The following HECW2 variants were observed in gnomAD, a reference collection of about 807,000 sequenced individuals.
HECW2 encodes E3 ubiquitin-protein ligase HECW2.
A neutral mutation model predicts 175.2 loss-of-function variants in HECW2; 61 were observed. That is an observed-to-expected ratio of 0.35 (90% CI 0.28 to 0.43). HECW2 has a LOEUF of 0.43. HECW2 is among the 20% of genes least tolerant of loss of function. The pLI, the probability that HECW2 is intolerant of heterozygous loss-of-function variation, is 1.00. For missense variants in HECW2, 1,524 were observed against 2,000.5 expected (o/e 0.76, Z 4.54); for synonymous variants, 671 against 731.0 (o/e 0.92, Z 1.32).
intron 1 of HECW2, among the ~76,000 whole-genome samples, chr2:196,544,558 G>C (rs1366806336): frequency 6.6e-6 from 1 of 152,118 alleles, no homozygotes; most frequent in Non-Finnish European, 1.5e-5. Flanking sequence ...CAATTCCACA[G>C]GTACCACCAT....
At chr2:196,271,716 G>A (rs1689747212) in intron 16 of HECW2, among the ~76,000 whole-genome samples, 2 of 152,112 alleles carry the variant, frequency 1.3e-5, no homozygotes, top group African/African-American at 4.8e-5. Context: ...ACCAGCCTGG[G>A]CAACATAGTG....
At chr2:196,461,027 GC>G (rs1696724573) in intron 1 of HECW2, among the ~76,000 whole-genome samples, 1 of 152,014 alleles carries the variant, frequency 6.6e-6, no homozygotes, top group South Asian at 2.1e-4. Flanking sequence ...GATGATGTTG[GC>G]CCAACTCACT....
intron 16 of HECW2, 151 bp from the exon 17 acceptor site, chr2:196,271,440 T>A (rs1263102838): frequency 3.5e-6 from 2 of 569,482 alleles, no homozygotes; most frequent in Non-Finnish European, 3.1e-6. Context: ...CCTGCCACCA[T>A]GCTCAGCTAA....
At chr2:196,211,539 G>C (rs1687285534) in intron 28 of HECW2, among the ~76,000 whole-genome samples, 1 of 152,098 alleles carries the variant, frequency 6.6e-6, no homozygotes, top group Non-Finnish European at 1.5e-5. Flanking sequence ...AAGAGCCATG[G>C]ATTCAACTTG....
intron 1 of HECW2, among the ~76,000 whole-genome samples, chr2:196,554,325 C>CAA (rs112989492): frequency 2.5e-5 from 3 of 118,234 alleles, no homozygotes; most frequent in Non-Finnish European, 5.5e-5. Flanking sequence ...GACTCCGTCT[C>CAA]AAAAAAAAAA....
intron 19 of HECW2, among the ~76,000 whole-genome samples, chr2:196,244,699 G>A (rs891282198): frequency 6.6e-6 from 1 of 152,230 alleles, no homozygotes; most frequent in Non-Finnish European, 1.5e-5. Flanking sequence ...CCTTGCAAAA[G>A]AAGGAGAATT....
At chr2:196,293,102 G>A (rs751242136) in intron 13 of HECW2, among the ~76,000 whole-genome samples, 8 of 152,058 alleles carry the variant, frequency 5.3e-5, no homozygotes, top group Non-Finnish European at 7.4e-5. Flanking sequence ...CATCACCCAG[G>A]TATTAAGCCC....
intron 2 of HECW2, chr2:196,361,873 A>C (rs1005431296): frequency 3.0e-6 from 3 of 985,324 alleles, no homozygotes; most frequent in African/African-American, 3.5e-5. Flanking sequence ...AGCAGCAAGA[A>C]GAAACATGGC....
At chr2:196,212,268 G>A (rs529930096) in intron 28 of HECW2, among the ~76,000 whole-genome samples, 2 of 152,108 alleles carry the variant, frequency 1.3e-5, no homozygotes, top group Non-Finnish European at 2.9e-5. Flanking sequence ...TGTCACTGGG[G>A]GTTTGTTTTA....
rs184367267 is a variant in HECW2 at position 196,365,119 on chromosome 2, T to C, written c.293-21355A>G. ...TGCCCATGGGTGGAAATGTGATTTA[T>C]GGATGCTGAATGGATTAATTATACA... On this transcript the variant is annotated intron_variant, in intron 2 of 28. Coordinates refer to ENST00000644978, the MANE Select transcript of HECW2 (RefSeq NM_001348768.2). Among the ~76,000 whole-genome samples, 46 of 152,364 alleles carry C rather than the reference T, an allele frequency of 3.0e-4. No homozygotes were observed. The East Asian group carries it at 7.7e-3, about 26-fold the overall frequency.
At chr2:196,407,440 G>T (rs1403653272) in intron 2 of HECW2, among the ~76,000 whole-genome samples, 1 of 152,126 alleles carries the variant, frequency 6.6e-6, no homozygotes, top group African/African-American at 2.4e-5. Flanking sequence ...GAACTTACAC[G>T]ATCTGCCCAC....
intron 17 of HECW2, 38 bp downstream of exon 17, chr2:196,271,155 C>T (rs779344698): frequency 8.5e-7 from 1 of 1,183,128 alleles, no homozygotes; most frequent in Admixed American, 1.8e-5. Context: ...ATGGTTTGTG[C>T]TTATGCAACT....
At chr2:196,502,685 G>A (rs1687617541) in intron 1 of HECW2, among the ~76,000 whole-genome samples, 1 of 152,004 alleles carries the variant, frequency 6.6e-6, no homozygotes. Flanking sequence ...ACAATTACGT[G>A]TCAGGCATGG....
In HECW2 at chr2:196,244,773, C is replaced by T. The variant is rs538431942; in HGVS notation, c.3530-2569G>A. On this transcript the variant is annotated intron_variant, in intron 19 of 28. Transcript: ENST00000644978. ...GAGCACTGCATGTGTGTTCAGAAGA[C>T]ACCAAGAGAACCAAGCTAGCCTAGA... 2.0e-5 allele frequency among the ~76,000 whole-genome samples: 3 copies of T among 152,244 alleles called. No homozygotes were observed. In the South Asian group the frequency reaches 6.2e-4, roughly 32 times the overall value.
rs200575058 is a variant in HECW2, at chr2:196,308,006, C to T, written c.2514G>A (p.Pro838=). 8.1e-6 allele frequency: 13 copies of T among 1,604,792 alleles called. No individual in the cohort carries two copies. The highest frequency in any genetic ancestry group is 6.7e-5 in the East Asian group (3 of 44,770). The stretch of plus-strand genomic sequence containing the variant: ...GCACCTGCGGGGCTGGGGGAGCTGT[C>T]GGTCGCTGCCACGTCGTGGTTCTGT... The part of the protein sequence containing the change: ...HVNRTTTWQR[P]TAPPAPQVLQ... The change falls in exon 11 of 29, where the codon CCG becomes CCA. Residue 838 remains proline, a synonymous_variant. Coordinates refer to ENST00000644978, the MANE Select transcript of HECW2 (RefSeq NM_001348768.2).
intron 23 of HECW2, 129 bp from the exon 24 acceptor site, chr2:196,222,469 T>C (rs1178237411): frequency 6.2e-6 from 5 of 809,820 alleles, no homozygotes; most frequent in African/African-American, 1.8e-5. Context: ...ATTTCTGGAA[T>C]GTTCTTAGTC....
At chr2:196,474,738 C>A (rs748128216) in intron 1 of HECW2, among the ~76,000 whole-genome samples, 2 of 152,074 alleles carry the variant, frequency 1.3e-5, no homozygotes, top group African/African-American at 2.4e-5. Context: ...AGGATTGATT[C>A]CTACAAGGTA....
chr2:196,305,988 T>G (rs1372420957), intron 13 of HECW2, among the ~76,000 whole-genome samples: 6 of 152,164 alleles, frequency 3.9e-5, no homozygotes, highest in Non-Finnish European at 7.3e-5. Flanking sequence ...GTCCGATGTT[T>G]GTGTCCCCCA....
rs553554105 is a variant in HECW2, at chr2:196,235,844, G to A, written c.3764+4605C>T. 3.0e-4 allele frequency among the ~76,000 whole-genome samples: 46 copies of A among 151,702 alleles called. 1 individual carries two copies. The Middle Eastern group carries it at 0.014, about 45-fold the overall frequency. ...GCTAATTTTTTTTGTATTTTTAGTAGAGATGGGGTTTCACCGTGCTAGCCA... is the reference window on the plus strand; with the variant it reads ...GCTAATTTTTTTTGTATTTTTAGTAAAGATGGGGTTTCACCGTGCTAGCCA... On this transcript the variant is annotated intron_variant, in intron 21 of 28. Coordinates refer to ENST00000644978, the MANE Select transcript of HECW2 (RefSeq NM_001348768.2).
Sources: gnomAD v4.1 joint callset for allele counts (sites outside exome capture counted in the v4.1 genomes callset) on GRCh38, gnomAD v4.1.1 for gene constraint, MANE v1.5 for transcripts, NCBI Gene and HGNC (gene_info 2026-07-23, HGNC 2026-07-21) for gene names.